ZNF732: variants seen among roughly 807,000 people sequenced by gnomAD.
The protein encoded by ZNF732 is zinc finger protein LOC654254.
A neutral mutation model predicts 11.5 loss-of-function variants in ZNF732; 12 were observed. The ratio of observed to expected loss-of-function variants is 1.05; its 90% CI spans 0.67 to 1.70. ZNF732 has a LOEUF of 1.70. ZNF732 is among the 40% of genes most tolerant of loss of function. The pLI, the probability that ZNF732 is intolerant of heterozygous loss-of-function variation, is 0.00. For synonymous variants in ZNF732, 231 were observed against 236.5 expected (o/e 0.98, Z 0.21); for missense variants, 702 against 676.9 (o/e 1.04, Z -0.41).
chr4:285,763 A>G (rs1393424446), intron 3 of ZNF732, among the ~76,000 whole-genome samples: 1 of 152,180 alleles, frequency 6.6e-6, no homozygotes, highest in African/African-American at 2.4e-5. Flanking sequence ...TTTTTGAGAC[A>G]ATGTCTCACT....
intron 3 of ZNF732, among the ~76,000 whole-genome samples, chr4:281,485 A>G (rs530032860): frequency 2.6e-5 from 4 of 152,360 alleles, no homozygotes; most frequent in Admixed American, 2.0e-4. Context: ...ATATAACTGG[A>G]GGCTTTTTTC....
chr4:279,457 AC>A lies in ZNF732; in HGVS notation c.227-6828del, dbSNP rs1331609851. Among the ~76,000 whole-genome samples the A allele has an allele frequency of 7.8e-4, 117 of 150,688 alleles. 1 individual carries two copies. Among genetic ancestry groups the A allele is most frequent in the African/African-American group, 2.7e-3 (113 of 41,314 alleles). On this transcript the variant is annotated intron_variant, in intron 3 of 3. Transcript: ENST00000419098. ...CGAGACTCCGTCTCAAAAAAAAAAA[AC>A]AACAACCAGACATTATATTATATAA...
At chr4:285,730 G>A (rs1264422551) in intron 3 of ZNF732, among the ~76,000 whole-genome samples, 1 of 152,010 alleles carries the variant, frequency 6.6e-6, no homozygotes, top group Admixed American at 6.5e-5. Flanking sequence ...CTCCAACTAG[G>A]GCTGCTGTGA....
intron 3 of ZNF732, among the ~76,000 whole-genome samples, chr4:291,890 G>A (rs1484117399): frequency 6.6e-6 from 1 of 152,132 alleles, no homozygotes; most frequent in African/African-American, 2.4e-5. Flanking sequence ...CAATGGAACA[G>A]AATAGCCCAG....
In ZNF732 at chr4:270,879, A is replaced by T; in HGVS notation, c.*220T>A. On this transcript the variant is annotated 3_prime_UTR_variant, in exon 4 of 4. Transcript: ENST00000419098. ...GTTGCTCTCCAGCATCAATTTTCTT[A>T]TGTTGATTCAGGTATGCGGACTGTT... The T allele has an allele frequency of 2.8e-6, 2 of 712,602 alleles. No homozygotes were observed. The highest frequency in any genetic ancestry group is 1.8e-5 in the African/African-American group (1 of 56,916). 44.1% of individuals were successfully genotyped at this position (712,602 alleles called of 1,614,324 possible).
At position 287,219 on chromosome 4, in the gene ZNF732, C is replaced by CT. The variant is rs139873066; in HGVS notation, c.226+8218dup. Among the ~76,000 whole-genome samples, 1,066 of 144,508 alleles carry CT rather than the reference C, an allele frequency of 7.4e-3. 11 individuals are homozygous for CT. The highest frequency in any genetic ancestry group is 0.039 in the South Asian group (175 of 4,464). 94.8% of individuals were successfully genotyped at this position (144,508 alleles called of 152,430 possible). On this transcript the variant is annotated intron_variant, in intron 3 of 3. Transcript: ENST00000419098. ...CCAAGAATATGTGAAACTTAACATA[C>CT]TTTTTTTTTTTTTTAAAGACGGAGT...
intron 1 of ZNF732, among the ~76,000 whole-genome samples, chr4:300,182 G>A (rs1282293547): frequency 1.3e-5 from 2 of 150,746 alleles, no homozygotes; most frequent in African/African-American, 2.4e-5. Flanking sequence ...GCCATTTGTG[G>A]CCAGGCATGG....
chr4:299,382 TACAC>T (rs781805807), intron 1 of ZNF732, among the ~76,000 whole-genome samples: 1 of 92,272 alleles, frequency 1.1e-5, no homozygotes, highest in African/African-American at 3.9e-5. Flanking sequence ...TATATATATA[TACAC>T]ATATGTACAC....
chr4:276,202 A>AC (rs1719492073), intron 3 of ZNF732, among the ~76,000 whole-genome samples: 1 of 151,850 alleles, frequency 6.6e-6, no homozygotes, highest in African/African-American at 2.4e-5. Context: ...CACCATTGTT[A>AC]CACACAAACA....
intron 3 of ZNF732, among the ~76,000 whole-genome samples, chr4:281,592 C>G (rs896715426): frequency 3.3e-5 from 5 of 152,286 alleles, no homozygotes; most frequent in Admixed American, 6.5e-5. Context: ...ACAGGTCTGC[C>G]AAGCAGGAAT....
At chr4:278,030 A>G (rs1237333450) in intron 3 of ZNF732, among the ~76,000 whole-genome samples, 4 of 152,184 alleles carry the variant, frequency 2.6e-5, no homozygotes, top group Non-Finnish European at 4.4e-5. Flanking sequence ...ACAACAAAAT[A>G]CTATTCAGCT....
intron 1 of ZNF732, among the ~76,000 whole-genome samples, chr4:305,031 C>G (rs782564036): frequency 1.3e-5 from 2 of 152,212 alleles, no homozygotes; most frequent in Non-Finnish European, 2.9e-5. Context: ...CCTCGCACGC[C>G]ACGCAGGCGT....
At position 305,325 on chromosome 4, in the gene ZNF732, G is replaced by A. The variant is rs1553844288; in HGVS notation, c.-15C>T. 1.9e-6 allele frequency: 3 copies of A among 1,607,892 alleles called. No individual in the cohort carries two copies. Among genetic ancestry groups the A allele is most frequent in the East Asian group, 2.2e-5 (1 of 44,828 alleles). On this transcript the variant is annotated 5_prime_UTR_variant, in exon 1 of 4. Transcript: ENST00000419098. ...ACACTCACCATTTCCCCACTTCAGG[G>A]GTGTAGCGGAGTCTCAGCTACGAAT...
chr4:285,531 T>C (rs782277186), intron 3 of ZNF732, among the ~76,000 whole-genome samples: 3 of 152,274 alleles, frequency 2.0e-5, no homozygotes, highest in East Asian at 1.9e-4. Context: ...GGCCACACCA[T>C]TGCCTAGCGT....
At chr4:302,002 C>T (rs570258840) in intron 1 of ZNF732, among the ~76,000 whole-genome samples, 25 of 152,234 alleles carry the variant, frequency 1.6e-4, no homozygotes, top group African/African-American at 5.3e-4. Flanking sequence ...GGCACACTGA[C>T]GAAGGAGGAA....
At chr4:299,862 ATTTT>A (rs146854504) in intron 1 of ZNF732, among the ~76,000 whole-genome samples, 1 of 124,316 alleles carries the variant, frequency 8.0e-6, no homozygotes, top group African/African-American at 3.0e-5. Context: ...ATGCCGGCTA[ATTTT>A]TTTTTTTTTT....
In ZNF732 at chr4:296,167, T is replaced by C. The variant is rs782774275; in HGVS notation, c.4-12A>G. On this transcript the variant is annotated splice_polypyrimidine_tract_variant and intron_variant, in intron 1 of 3. Transcript: ENST00000419098. Reference sequence around the variant, plus strand: ...AATGTTAAGAGTTCCTGAAAATATATATGTATCAAGTGACAGAGTTCTTAA... The same window carrying C: ...AATGTTAAGAGTTCCTGAAAATATACATGTATCAAGTGACAGAGTTCTTAA... The C allele has an allele frequency of 1.9e-6, 3 of 1,609,592 alleles. No homozygotes were observed. Among genetic ancestry groups the C allele is most frequent in the Non-Finnish European group, 1.7e-6 (2 of 1,179,104 alleles).
chr4:304,298 C>T (rs569049430), intron 1 of ZNF732, among the ~76,000 whole-genome samples: 1 of 150,666 alleles, frequency 6.6e-6, no homozygotes, highest in Admixed American at 6.6e-5. Context: ...TCTAAGTTCC[C>T]AGTCCCTTCT....
intron 1 of ZNF732, among the ~76,000 whole-genome samples, chr4:299,348 TATACAC>T (rs1370152349): frequency 5.5e-5 from 7 of 128,218 alleles, no homozygotes; most frequent in Non-Finnish European, 6.6e-5. Flanking sequence ...TATGAGTATA[TATACAC>T]ATATATACAC....
Sources: allele counts gnomAD v4.1 joint callset (sites outside exome capture counted in the v4.1 genomes callset), GRCh38; gene constraint gnomAD v4.1.1; transcripts MANE v1.5; gene names NCBI Gene and HGNC (gene_info 2026-07-23, HGNC 2026-07-21).